Variants in ADK observed in about 807,000 individuals in gnomAD.
The protein encoded by ADK is adenosine kinase, also known as N6,N6-dimethyladenosine kinase.
ADK carries 24 observed loss-of-function variants against 44.7 expected under a neutral mutation model. The observed-to-expected ratio is 0.54, with a 90% CI of 0.39 to 0.76. The LOEUF is 0.76. Ranked by LOEUF, ADK falls within the 30% of genes least tolerant of loss-of-function variation. The pLI is 0.00. For synonymous variants in ADK, 128 were observed against 142.6 expected (o/e 0.90, Z 0.73); for missense variants, 321 against 425.1 (o/e 0.76, Z 2.15).
chr10:74,405,469 T>A (rs956736785), intron 6 of ADK, among the ~76,000 whole-genome samples: 1 of 152,074 alleles, frequency 6.6e-6, no homozygotes, highest in African/African-American at 2.4e-5. Context: ...CCATTCTTTT[T>A]TTTTAGATTT....
At chr10:74,440,483 A>T (rs1327894053) in intron 6 of ADK, among the ~76,000 whole-genome samples, 1 of 152,162 alleles carries the variant, frequency 6.6e-6, no homozygotes, top group Admixed American at 6.5e-5. Context: ...GATTCCACTG[A>T]ATGCTTATTT....
intron 7 of ADK, among the ~76,000 whole-genome samples, chr10:74,570,999 A>G (rs1356772743): frequency 6.6e-6 from 1 of 152,110 alleles, no homozygotes; most frequent in African/African-American, 2.4e-5. Context: ...TAGCATGAAG[A>G]GTTGTTGAAT....
intron 9 of ADK, among the ~76,000 whole-genome samples, chr10:74,634,001 A>G (rs1853531361): frequency 6.6e-6 from 1 of 152,192 alleles, no homozygotes; most frequent in Non-Finnish European, 1.5e-5. Context: ...TCTCTGGATG[A>G]CCCCTCAATT....
chr10:74,332,868 T>G (rs777734494), intron 4 of ADK, among the ~76,000 whole-genome samples: 4 of 152,218 alleles, frequency 2.6e-5, no homozygotes, highest in Non-Finnish European at 5.9e-5. Flanking sequence ...ACACTCATGT[T>G]AAAATAATTT....
chr10:74,444,986 A>G (rs1845546516), intron 6 of ADK, among the ~76,000 whole-genome samples: 1 of 152,086 alleles, frequency 6.6e-6, no homozygotes, highest in East Asian at 1.9e-4. Flanking sequence ...CATTGAGAAT[A>G]AAAACATGGT....
intron 7 of ADK, among the ~76,000 whole-genome samples, chr10:74,587,286 TGC>T (rs1326292567): frequency 6.6e-6 from 1 of 152,236 alleles, no homozygotes; most frequent in Non-Finnish European, 1.5e-5. Flanking sequence ...TAACCTTGCT[TGC>T]ACAAATTGAC....
intron 9 of ADK, among the ~76,000 whole-genome samples, chr10:74,615,588 G>A (rs570327445): frequency 2.0e-5 from 3 of 152,228 alleles, no homozygotes; most frequent in African/African-American, 7.2e-5. Flanking sequence ...TTTAATTTTA[G>A]CCATTCTGGT....
At chr10:74,607,720 C>T (rs1253098261) in intron 9 of ADK, among the ~76,000 whole-genome samples, 3 of 152,086 alleles carry the variant, frequency 2.0e-5, no homozygotes, top group African/African-American at 7.2e-5. Flanking sequence ...TGGGGTTGCT[C>T]TTCTCAAGGA....
rs1589283532 is a variant in ADK at position 74,597,265 on chromosome 10, A to C, written c.763-3114A>C. Among the ~76,000 whole-genome samples, 4 of 152,362 alleles carry C rather than the reference A, an allele frequency of 2.6e-5. No individual in the cohort carries two copies. The South Asian group carries it at 8.3e-4, about 32-fold the overall frequency. ...ATTTTTAACTTTTTATTTTAAAATA[A>C]CTTTAGTCTTAGAAAAATTACAAAA... is the stretch of plus-strand genomic sequence containing the variant. On this transcript the variant is annotated intron_variant, in intron 8 of 10. Coordinates refer to ENST00000539909, the MANE Select transcript of ADK (RefSeq NM_006721.4).
At chr10:74,615,606 T>G (rs1852723240) in intron 9 of ADK, among the ~76,000 whole-genome samples, 1 of 152,242 alleles carries the variant, frequency 6.6e-6, no homozygotes, top group African/African-American at 2.4e-5. Flanking sequence ...GGTGAGTATG[T>G]AATAGACCTC....
At chr10:74,597,530 C>T (rs1228722667) in intron 8 of ADK, among the ~76,000 whole-genome samples, 1 of 152,166 alleles carries the variant, frequency 6.6e-6, no homozygotes, top group East Asian at 1.9e-4. Flanking sequence ...CAGTTCCTCA[C>T]TCTTGTTGTT....
At chr10:74,245,700 C>T (rs796448585) in intron 3 of ADK, among the ~76,000 whole-genome samples, 17 of 151,584 alleles carry the variant, frequency 1.1e-4, no homozygotes, top group African/African-American at 4.1e-4. Context: ...AAGCAATTCT[C>T]CTGTGTCAGC....
rs369156170 is a variant in ADK at position 74,333,048 on chromosome 10, GA to G, written c.273+18312del. Among the ~76,000 whole-genome samples the G allele has an allele frequency of 4.3e-3, 644 of 149,364 alleles. 3 individuals carry two copies. Among genetic ancestry groups the G allele is most frequent in the Non-Finnish European group, 7.4e-3 (497 of 67,110 alleles). ...GCTTAAATTGATTTTATAGAAAAAG[GA>G]AAAAAAAACTAAATATCTTTTCACT... On this transcript the variant is annotated intron_variant, in intron 4 of 10. Coordinates refer to ENST00000539909, the MANE Select transcript of ADK (RefSeq NM_006721.4).
chr10:74,656,762 A>G (rs1854502676), intron 9 of ADK, among the ~76,000 whole-genome samples: 1 of 152,246 alleles, frequency 6.6e-6, no homozygotes, highest in East Asian at 1.9e-4. Context: ...CAGAACCAGT[A>G]GCCACTCAAT....
intron 4 of ADK, among the ~76,000 whole-genome samples, chr10:74,344,186 G>A (rs1841681537): frequency 6.6e-6 from 1 of 152,020 alleles, no homozygotes; most frequent in Non-Finnish European, 1.5e-5. Flanking sequence ...AGTAATACTG[G>A]CCTCATAACA....
intron 9 of ADK, among the ~76,000 whole-genome samples, chr10:74,669,431 T>C (rs1033925952): frequency 1.3e-5 from 2 of 152,202 alleles, no homozygotes; most frequent in African/African-American, 4.8e-5. Flanking sequence ...TCCACTGTCA[T>C]GTGCCATGTT....
intron 7 of ADK, among the ~76,000 whole-genome samples, chr10:74,583,027 A>G (rs943299175): frequency 5.3e-5 from 8 of 152,206 alleles, no homozygotes; most frequent in African/African-American, 1.9e-4. Flanking sequence ...GAAATAATGC[A>G]TAAGTTAAAA....
chr10:74,408,089 C>T (rs1316858707), intron 6 of ADK, among the ~76,000 whole-genome samples: 2 of 151,944 alleles, frequency 1.3e-5, no homozygotes, highest in Non-Finnish European at 1.5e-5. Flanking sequence ...GAACGATTCT[C>T]CTGCGTCAGT....
chr10:74,192,715 T>A (rs1256545155), intron 1 of ADK, among the ~76,000 whole-genome samples: 2 of 151,798 alleles, frequency 1.3e-5, no homozygotes, highest in Admixed American at 1.3e-4. Context: ...TTTGTAGAGA[T>A]GAGGTCTTAC....
Sources: allele counts gnomAD v4.1 joint callset (sites outside exome capture counted in the v4.1 genomes callset), GRCh38; gene constraint gnomAD v4.1.1; transcripts MANE v1.5; gene names NCBI Gene and HGNC (gene_info 2026-07-23, HGNC 2026-07-21).